Variants in DTNB observed in about 807,000 individuals in gnomAD.
DTNB encodes the protein DTN-B.
A neutral mutation model predicts 90.7 loss-of-function variants in DTNB; 63 were observed. The ratio of observed to expected loss-of-function variants is 0.69; its 90% confidence interval spans 0.57 to 0.86. DTNB has a LOEUF of 0.86. Among genes scored for constraint, DTNB ranks in the 40% least tolerant of loss-of-function variants. The pLI is 0.00. For missense variants in DTNB, 744 were observed against 807.1 expected, an observed-to-expected ratio of 0.92 and a Z score of 0.95; for synonymous variants, 277 against 286.7, an observed-to-expected ratio of 0.97 and a Z score of 0.34.
At chr2:25,668,460 G>T (rs866838238) in intron 1 of DTNB, among the ~76,000 whole-genome samples, 36 of 152,286 alleles carry the variant, frequency 2.4e-4, no homozygotes, top group African/African-American at 8.7e-4. Context: ...TGAGCCCCTT[G>T]CAGGGTTGTA....
chr2:25,476,558 G>T (rs1431990335), intron 10 of DTNB, among the ~76,000 whole-genome samples: 1 of 152,122 alleles, frequency 6.6e-6, no homozygotes, highest in African/African-American at 2.4e-5. Flanking sequence ...ACATTAATGG[G>T]AGTTTGGAAG....
intron 5 of DTNB, among the ~76,000 whole-genome samples, chr2:25,598,210 T>C (rs1031181143): frequency 5.3e-4 from 80 of 152,082 alleles, no homozygotes; most frequent in African/African-American, 1.7e-3. Flanking sequence ...CCTTCCTCCT[T>C]CTTCTACCTG....
At chr2:25,638,977 T>C in intron 3 of DTNB, 37 bp downstream of exon 3, 2 of 1,516,136 alleles carry the variant, frequency 1.3e-6, no homozygotes, top group Non-Finnish European at 1.8e-6. Flanking sequence ...TTGAGAACTC[T>C]ATCCAGCTAT....
chr2:25,443,812 A>G (rs539686055), intron 12 of DTNB, among the ~76,000 whole-genome samples: 3 of 152,378 alleles, frequency 2.0e-5, no homozygotes, highest in Non-Finnish European at 4.4e-5. Flanking sequence ...CCAAGGATCT[A>G]TATATTTTTA....
At chr2:25,534,311 G>A (rs2078912019) in intron 8 of DTNB, among the ~76,000 whole-genome samples, 1 of 152,196 alleles carries the variant, frequency 6.6e-6, no homozygotes, top group African/African-American at 2.4e-5. Context: ...CAGAGAGCAG[G>A]GGGTTGGGGG....
At chr2:25,628,842 G>C (rs938075840) in intron 3 of DTNB, among the ~76,000 whole-genome samples, 1 of 152,162 alleles carries the variant, frequency 6.6e-6, no homozygotes, top group Non-Finnish European at 1.5e-5. Context: ...ACTGCATTAA[G>C]TAAAATATTA....
intron 9 of DTNB, among the ~76,000 whole-genome samples, chr2:25,497,010 T>C (rs551592476): frequency 6.6e-6 from 1 of 152,348 alleles, no homozygotes; most frequent in Admixed American, 6.5e-5. Context: ...CTTCACACTC[T>C]GTAGCAAAGC....
intron 9 of DTNB, among the ~76,000 whole-genome samples, chr2:25,526,389 ATATATATTT>A (rs1205387349): frequency 1.5e-4 from 9 of 58,804 alleles, no homozygotes; most frequent in African/African-American, 5.4e-4. Flanking sequence ...ATATATATAT[ATATATATTT>A]TTTTTTTTTT....
chr2:25,616,954 GAAA>G (rs900643862), intron 4 of DTNB, among the ~76,000 whole-genome samples: 2 of 97,452 alleles, frequency 2.1e-5, no homozygotes, highest in African/African-American at 8.6e-5. Context: ...AAAAAAAAAG[GAAA>G]AAAAAGACTC....
intron 16 of DTNB, among the ~76,000 whole-genome samples, chr2:25,418,509 G>A: frequency 6.6e-6 from 1 of 152,046 alleles, no homozygotes; most frequent in East Asian, 1.9e-4. Flanking sequence ...GACCAGCCTG[G>A]CCAATATGGT....
rs112274956 is a variant in DTNB at position 25,671,035 on chromosome 2, C to A, written c.-2+2351G>T. On this transcript the variant is annotated intron_variant, in intron 1 of 20. Transcript: ENST00000406818. ...TATCACAGTGCTTGTGTTCAAGTGA[C>A]CACTGTTTTACTTAATAATAAAGTG... is the stretch of plus-strand genomic sequence containing the variant. Among the ~76,000 whole-genome samples the A allele has an allele frequency of 7.5e-3, 1,136 of 152,298 alleles. 13 individuals carry two copies. Among genetic ancestry groups the A allele is most frequent in the Middle Eastern group, 0.065 (19 of 294 alleles).
chr2:25,522,857 C>T (rs13388279), intron 9 of DTNB, among the ~76,000 whole-genome samples: 44,017 of 151,722 alleles, frequency 0.29, 7,047 homozygotes, highest in Middle Eastern at 0.4. Context: ...CCTACCACGA[C>T]GCCCAGTTAA....
At chr2:25,589,125 G>A (rs372673884) in intron 6 of DTNB, among the ~76,000 whole-genome samples, 177 of 152,184 alleles carry the variant, frequency 1.2e-3, no homozygotes, top group African/African-American at 4.0e-3. Flanking sequence ...AAATGCAATC[G>A]GAGGACACCT....
intron 12 of DTNB, among the ~76,000 whole-genome samples, chr2:25,437,595 T>TAAG (rs772306059): frequency 1.3e-5 from 2 of 151,766 alleles, no homozygotes; most frequent in African/African-American, 2.4e-5. Context: ...TAGTGCTCAT[T>TAAG]AAGAAGAAGA....
At chr2:25,405,932 C>T (rs1042375802) in intron 16 of DTNB, among the ~76,000 whole-genome samples, 3 of 151,956 alleles carry the variant, frequency 2.0e-5, no homozygotes, top group African/African-American at 7.3e-5. Context: ...TTCCAAAACC[C>T]GGTGACAGAT....
At chr2:25,572,381 G>A (rs2060000825) in intron 8 of DTNB, among the ~76,000 whole-genome samples, 1 of 151,854 alleles carries the variant, frequency 6.6e-6, no homozygotes, top group African/African-American at 2.4e-5. Context: ...GCAGGAGAAT[G>A]GCGTGAACCC....
intron 1 of DTNB, among the ~76,000 whole-genome samples, chr2:25,655,920 A>G (rs994286886): frequency 2.6e-5 from 4 of 151,984 alleles, no homozygotes; most frequent in Admixed American, 6.6e-5. Flanking sequence ...TACTCCAACT[A>G]CCTTTCCCCT....
chr2:25,448,621 G>A (rs907745124), intron 12 of DTNB, among the ~76,000 whole-genome samples: 4 of 151,998 alleles, frequency 2.6e-5, no homozygotes, highest in Admixed American at 6.6e-5. Context: ...TTGGGAGGCC[G>A]AGGCAGGCGG....
intron 9 of DTNB, among the ~76,000 whole-genome samples, chr2:25,528,578 A>AT (rs2077584200): frequency 6.6e-6 from 1 of 152,246 alleles, no homozygotes; most frequent in Non-Finnish European, 1.5e-5. Context: ...TTTAAGCAAG[A>AT]TAACTACATA....
Sources: allele counts gnomAD v4.1 joint callset (sites outside exome capture counted in the v4.1 genomes callset), GRCh38; gene constraint gnomAD v4.1.1; transcripts MANE v1.5; gene names NCBI Gene and HGNC (gene_info 2026-07-23, HGNC 2026-07-21).